HOOK3: variants seen among roughly 807,000 people sequenced by gnomAD.
HOOK3 encodes hook microtubule tethering protein 3.
HOOK3 carries 24 observed loss-of-function variants against 116.3 expected under a neutral mutation model. The ratio of observed to expected loss-of-function variants is 0.21; its 90% confidence interval spans 0.15 to 0.29. The LOEUF (loss-of-function observed/expected upper bound fraction) is 0.29. Ranked by LOEUF, HOOK3 falls within the 10% of genes least tolerant of loss-of-function variation. HOOK3 has a pLI of 1.00. For missense variants in HOOK3, 632 were observed against 830.2 expected, an observed-to-expected ratio of 0.76 and a Z score of 2.93; for synonymous variants, 275 against 283.0, an observed-to-expected ratio of 0.97 and a Z score of 0.28.
At chr8:42,920,302 G>A (rs1280873059) in intron 2 of HOOK3, among the ~76,000 whole-genome samples, 2 of 152,164 alleles carry the variant, frequency 1.3e-5, no homozygotes, top group Non-Finnish European at 2.9e-5. Context: ...TAATTAAGGG[G>A]TCTTTAGAAA....
At chr8:42,914,671 T>C (rs545771385) in intron 2 of HOOK3, among the ~76,000 whole-genome samples, 1 of 152,356 alleles carries the variant, frequency 6.6e-6, no homozygotes, top group Admixed American at 6.5e-5. Flanking sequence ...TGTATTTCTT[T>C]GTATTTGTTT....
chr8:43,026,513 T>C lies in HOOK3; in HGVS notation c.*8015T>C, dbSNP rs1809935707. ...TTTTTACATGTCTCCTTAAGAAGAC[T>C]CTTTTATAATGTAATACTTAGAAGC... On this transcript the variant is annotated 3_prime_UTR_variant, in exon 22 of 22. Transcript: ENST00000307602. 9.5e-6 allele frequency: 2 copies of C among 211,360 alleles called. No homozygotes were observed. The highest frequency in any genetic ancestry group is 4.5e-5 in the African/African-American group (2 of 44,216). The allele number at this position is 211,360 out of a possible 1,614,324, so 13.1% of individuals were successfully genotyped here.
chr8:42,920,193 A>G (rs1400150625), intron 2 of HOOK3, among the ~76,000 whole-genome samples: 1 of 152,186 alleles, frequency 6.6e-6, no homozygotes, highest in Admixed American at 6.5e-5. Context: ...TTCTCCAGTA[A>G]GATTACCACT....
intron 17 of HOOK3, among the ~76,000 whole-genome samples, chr8:43,005,281 C>T (rs961947985): frequency 7.7e-6 from 1 of 130,634 alleles, no homozygotes. Flanking sequence ...AGTGCAGTGG[C>T]GCCATCTCAG....
intron 15 of HOOK3, among the ~76,000 whole-genome samples, chr8:42,989,241 C>T (rs1484312581): frequency 6.6e-6 from 1 of 152,176 alleles, no homozygotes; most frequent in South Asian, 2.1e-4. Flanking sequence ...TCAAGCTCAC[C>T]CTGTCCCTGC....
chr8:42,936,520 G>A (rs1326698620), intron 4 of HOOK3, among the ~76,000 whole-genome samples: 1 of 152,202 alleles, frequency 6.6e-6, no homozygotes, highest in African/African-American at 2.4e-5. Context: ...GATATTGGCT[G>A]TGGGTTTGTC....
At chr8:42,922,379 CA>C (rs969803978) in intron 2 of HOOK3, among the ~76,000 whole-genome samples, 142 of 137,466 alleles carry the variant, frequency 1.0e-3, no homozygotes, top group Admixed American at 1.3e-3. Context: ...CCATCTCTAC[CA>C]AAAAAAAAAA....
rs916892799 is a variant in HOOK3 at position 43,025,006 on chromosome 8, A to C, written c.*6508A>C. ...CCATTTCACATGTATTATCTATATG[A>C]CTATAGAAACTTATAAAACATTTAA... On this transcript the variant is annotated 3_prime_UTR_variant, in exon 22 of 22. Transcript: ENST00000307602. 9.8e-6 allele frequency: 2 copies of C among 203,424 alleles called. No homozygotes were observed. The highest frequency in any genetic ancestry group is 4.6e-5 in the African/African-American group (2 of 43,774). The allele number at this position is 203,424 out of a possible 1,614,324, so 12.6% of individuals were successfully genotyped here. A position where few individuals can be genotyped will look rare whatever the true frequency, so the allele number is the denominator to read the frequency against.
intron 16 of HOOK3, among the ~76,000 whole-genome samples, chr8:43,000,000 T>C (rs1434684300): frequency 6.6e-6 from 1 of 151,850 alleles, no homozygotes; most frequent in Admixed American, 6.6e-5. Context: ...CAAAAAAAAT[T>C]AGCCAGGCAT....
intron 13 of HOOK3, among the ~76,000 whole-genome samples, chr8:42,974,791 G>A (rs537862311): frequency 1.5e-4 from 23 of 152,316 alleles, no homozygotes; most frequent in Non-Finnish European, 3.1e-4. Flanking sequence ...AAAGCAGTTC[G>A]TCTTAGAAAA....
intron 17 of HOOK3, among the ~76,000 whole-genome samples, chr8:43,004,227 C>T (rs988684072): frequency 2.6e-5 from 4 of 151,404 alleles, no homozygotes; most frequent in Non-Finnish European, 5.9e-5. Flanking sequence ...ATTAGTGGGG[C>T]ATGGTGGCGT....
At chr8:42,933,642 G>A (rs1164861020) in intron 4 of HOOK3, among the ~76,000 whole-genome samples, 1 of 152,134 alleles carries the variant, frequency 6.6e-6, no homozygotes, top group Non-Finnish European at 1.5e-5. Context: ...TTTTGGTAGA[G>A]CCCATTTTCT....
intron 2 of HOOK3, among the ~76,000 whole-genome samples, chr8:42,916,501 T>C (rs539643042): frequency 1.3e-5 from 2 of 152,290 alleles, no homozygotes; most frequent in South Asian, 4.2e-4. Context: ...AAAAGAACTT[T>C]TATCTGAGGA....
At chr8:42,978,390 C>G (rs1586618752) in intron 13 of HOOK3, among the ~76,000 whole-genome samples, 1 of 150,936 alleles carries the variant, frequency 6.6e-6, no homozygotes, top group East Asian at 1.9e-4. Flanking sequence ...ATTACAGGTG[C>G]CTACCACCAT....
At chr8:42,983,036 A>G (rs1350980443) in intron 14 of HOOK3, among the ~76,000 whole-genome samples, 1 of 152,180 alleles carries the variant, frequency 6.6e-6, no homozygotes, top group East Asian at 1.9e-4. Context: ...TTAGTTATTA[A>G]GATTTATCTG....
chr8:42,913,128 A>T (rs1406346961), intron 2 of HOOK3, among the ~76,000 whole-genome samples: 1 of 151,292 alleles, frequency 6.6e-6, no homozygotes, highest in African/African-American at 2.4e-5. Flanking sequence ...CTTTATTGAG[A>T]TGAAAGTGAC....
Position 42,943,411 on chromosome 8 carries a change from C to G in HOOK3, c.366C>G (p.Ile122Met), listed in dbSNP as rs1159404442. 10 of 1,562,428 alleles carry G rather than the reference C, an allele frequency of 6.4e-6. No homozygotes were observed. The highest frequency in any genetic ancestry group is 8.7e-6 in the Non-Finnish European group (10 of 1,154,220). ...AAELGRMLQLILGCAVNCEQK... is the reference protein window; with the variant it reads ...AAELGRMLQLMLGCAVNCEQK... ...AGCTTGGAAGGATGCTTCAGCTCATCTTAGGCTGTGCTGTGAACTGTGAAC... is the reference window on the plus strand; with the variant it reads ...AGCTTGGAAGGATGCTTCAGCTCATGTTAGGCTGTGCTGTGAACTGTGAAC... The change falls in exon 5 of 22, where the codon ATC becomes ATG. Residue 122 changes from isoleucine (I) to methionine (M), a missense_variant. Around this residue, in one of 3 missense-constraint regions of HOOK3, gnomAD observed 141 missense variants for 150.8 expected, o/e 0.93. Transcript: ENST00000307602.
chr8:43,014,049 G>A (rs185078286), intron 21 of HOOK3, among the ~76,000 whole-genome samples: 161 of 152,156 alleles, frequency 1.1e-3, no homozygotes, highest in African/African-American at 3.2e-3. Flanking sequence ...AGCATTTTGG[G>A]AGGCCAGGTG....
chr8:43,025,728 G>A lies in HOOK3; in HGVS notation c.*7230G>A, dbSNP rs1001319128. 9.3e-6 allele frequency: 2 copies of A among 215,346 alleles called. No homozygotes were observed. The highest frequency in any genetic ancestry group is 9.3e-6 in the Non-Finnish European group (1 of 107,134). The allele number at this position is 215,346 out of a possible 1,614,324, so 13.3% of individuals were successfully genotyped here. On this transcript the variant is annotated 3_prime_UTR_variant, in exon 22 of 22. Transcript: ENST00000307602. ...TTTGATGAGATGAGAAGAAATCTGC[G>A]GTGGCTGAAAATCGTGACCAACTTG...
Sources: gnomAD v4.1 joint callset for allele counts (sites outside exome capture counted in the v4.1 genomes callset) on GRCh38, gnomAD v4.1.1 for gene constraint, gnomAD v4.1.1 regional missense constraint, MANE v1.5 for transcripts, NCBI Gene and HGNC (gene_info 2026-07-23, HGNC 2026-07-21) for gene names.